NRXN1: variants seen among roughly 807,000 people sequenced by gnomAD.
The protein encoded by NRXN1 is neurexin 1.
Under a neutral mutation model 150.9 loss-of-function variants are expected in NRXN1, and 39 were observed. That is an observed-to-expected ratio of 0.26 (90% CI 0.20 to 0.34). The LOEUF (loss-of-function observed/expected upper bound fraction) is 0.34, where lower values mean the gene tolerates loss of function less well. NRXN1 is among the 10% of genes least tolerant of loss of function. The pLI, the probability that NRXN1 is intolerant of heterozygous loss-of-function variation, is 1.00. For missense variants in NRXN1, 1,815 were observed against 1,949.9 expected (o/e 0.93, Z 1.30); for synonymous variants, 924 against 757.0 (o/e 1.22, Z -3.62).
At chr2:50,662,926 C>T (rs893333873) in intron 5 of NRXN1, among the ~76,000 whole-genome samples, 1 of 151,972 alleles carries the variant, frequency 6.6e-6, no homozygotes. Flanking sequence ...TTAGACTCTA[C>T]CCCCAGTGAT....
intron 5 of NRXN1, among the ~76,000 whole-genome samples, chr2:50,849,506 G>T (rs1249373055): frequency 6.6e-6 from 1 of 152,110 alleles, no homozygotes; most frequent in Admixed American, 6.5e-5. Flanking sequence ...AACACAGATG[G>T]CCTCGTCAGG....
intron 5 of NRXN1, among the ~76,000 whole-genome samples, chr2:50,814,633 T>C (rs887430787): frequency 2.6e-5 from 4 of 152,246 alleles, no homozygotes; most frequent in East Asian, 3.9e-4. Context: ...ACTAATTGGA[T>C]AAAATTTTGC....
At chr2:49,922,719 C>G (rs1668440104) in intron 22 of NRXN1, among the ~76,000 whole-genome samples, 1 of 152,162 alleles carries the variant, frequency 6.6e-6, no homozygotes, top group Non-Finnish European at 1.5e-5. Flanking sequence ...AATCATATTC[C>G]CCTTGTATTT....
intron 5 of NRXN1, among the ~76,000 whole-genome samples, chr2:50,863,133 TA>T (rs149542421): frequency 0.047 from 7,172 of 152,084 alleles, 218 homozygotes; most frequent in East Asian, 0.069. Flanking sequence ...AGGTAGTTTA[TA>T]AAGGGGTTTA....
intron 5 of NRXN1, among the ~76,000 whole-genome samples, chr2:50,798,360 A>T (rs1707136773): frequency 6.6e-6 from 1 of 152,180 alleles, no homozygotes; most frequent in African/African-American, 2.4e-5. Context: ...TTGCTTTTTA[A>T]GTCTGCTTTT....
intron 5 of NRXN1, among the ~76,000 whole-genome samples, chr2:50,703,877 A>G (rs946315787): frequency 1.3e-5 from 2 of 152,148 alleles, no homozygotes; most frequent in South Asian, 4.1e-4. Context: ...ACTTGCCTAA[A>G]GTCATATCGT....
chr2:50,850,753 T>C (rs995814050), intron 5 of NRXN1, among the ~76,000 whole-genome samples: 133 of 146,438 alleles, frequency 9.1e-4, no homozygotes, highest in African/African-American at 2.8e-3. Flanking sequence ...TTTTTTTTTT[T>C]CCACACATTT....
chr2:51,004,581 T>C (rs991868383), intron 2 of NRXN1, among the ~76,000 whole-genome samples: 5 of 151,932 alleles, frequency 3.3e-5, no homozygotes, highest in South Asian at 2.1e-4. Flanking sequence ...AGGCAGAGGA[T>C]GCAGTGAGCC....
intron 22 of NRXN1, among the ~76,000 whole-genome samples, chr2:49,937,184 G>A (rs1323668007): frequency 2.0e-5 from 3 of 152,122 alleles, no homozygotes; most frequent in Non-Finnish European, 4.4e-5. Context: ...CTATCCCCCT[G>A]TCATGAAAAC....
At chr2:50,973,327 C>T (rs114281982) in intron 2 of NRXN1, among the ~76,000 whole-genome samples, 2,751 of 152,216 alleles carry the variant, frequency 0.018, 89 homozygotes, top group African/African-American at 0.064. Flanking sequence ...CAGAGACATA[C>T]ATGAACTATT....
chr2:50,204,790 G>A (rs2062444395), intron 18 of NRXN1, among the ~76,000 whole-genome samples: 1 of 151,878 alleles, frequency 6.6e-6, no homozygotes, highest in Admixed American at 6.6e-5. Flanking sequence ...ATAACCAAAT[G>A]GCAAGCCAAT....
intron 17 of NRXN1, among the ~76,000 whole-genome samples, chr2:50,454,544 G>A (rs1198808448): frequency 2.6e-5 from 4 of 151,560 alleles, no homozygotes; most frequent in East Asian, 1.9e-4. Context: ...TCCTAGTTAC[G>A]GAATAAAGAT....
At chr2:50,628,798 G>A (rs1200041219) in intron 5 of NRXN1, among the ~76,000 whole-genome samples, 2 of 151,338 alleles carry the variant, frequency 1.3e-5, no homozygotes, top group Non-Finnish European at 3.0e-5. Context: ...GATACAAAGA[G>A]ACCTCTTACA....
At chr2:49,940,216 A>G (rs564473327) in intron 22 of NRXN1, among the ~76,000 whole-genome samples, 1 of 152,316 alleles carries the variant, frequency 6.6e-6, no homozygotes, top group East Asian at 1.9e-4. Flanking sequence ...ATCTCCTTAC[A>G]AAGATTTGCT....
At chr2:50,314,910 G>A (rs2152967776) in intron 17 of NRXN1, among the ~76,000 whole-genome samples, 1 of 152,046 alleles carries the variant, frequency 6.6e-6, no homozygotes, top group East Asian at 1.9e-4. Context: ...GGGTGTTAAA[G>A]GCAGGTGATC....
intron 19 of NRXN1, among the ~76,000 whole-genome samples, chr2:50,083,671 C>T (rs751512292): frequency 2.6e-5 from 4 of 152,252 alleles, no homozygotes; most frequent in East Asian, 1.9e-4. Flanking sequence ...TCCTGCTGAT[C>T]GGTCCATTTT....
chr2:50,638,921 C>G (rs546016304), intron 5 of NRXN1, among the ~76,000 whole-genome samples: 1 of 152,202 alleles, frequency 6.6e-6, no homozygotes, highest in Admixed American at 6.5e-5. Flanking sequence ...GACACATATA[C>G]AATACCTCAG....
At chr2:50,811,933 T>A (rs1156783380) in intron 5 of NRXN1, among the ~76,000 whole-genome samples, 1 of 152,170 alleles carries the variant, frequency 6.6e-6, no homozygotes, top group Admixed American at 6.5e-5. Flanking sequence ...TTTGGTACAA[T>A]ATTTAAAATT....
intron 18 of NRXN1, among the ~76,000 whole-genome samples, chr2:50,163,099 C>T (rs1260219398): frequency 7.1e-6 from 1 of 140,432 alleles, no homozygotes; most frequent in African/African-American, 2.8e-5. Context: ...GACATGTTTA[C>T]CTTAAATACT....
Sources: allele counts gnomAD v4.1 joint callset (sites outside exome capture counted in the v4.1 genomes callset), GRCh38; gene constraint gnomAD v4.1.1; transcripts MANE v1.5; gene names NCBI Gene and HGNC (gene_info 2026-07-23, HGNC 2026-07-21).